Variants in PACS2 observed in about 807,000 individuals in gnomAD.
PACS2 encodes phosphofurin acidic cluster sorting protein 2, also known as PACS1-like protein.
A neutral mutation model predicts 113.0 loss-of-function variants in PACS2; 36 were observed. The observed-to-expected ratio is 0.32, with a 90% CI of 0.24 to 0.42. PACS2 has a LOEUF of 0.42. PACS2 is among the 10% of genes least tolerant of loss of function. PACS2 has a pLI of 1.00. For missense variants in PACS2, 1,015 were observed against 1,239.5 expected, an observed-to-expected ratio of 0.82 and a Z score of 2.72; for synonymous variants, 589 against 536.1, an observed-to-expected ratio of 1.10 and a Z score of -1.36.
rs2058989029 is a variant in PACS2, at chr14:105,323,845, C to T, written c.119+8808C>T. Among the ~76,000 whole-genome samples the T allele has an allele frequency of 6.6e-6, 1 of 152,244 alleles. No homozygotes were observed. Among genetic ancestry groups the T allele is most frequent in the Non-Finnish European group, 1.5e-5 (1 of 68,046 alleles). On this transcript the variant is annotated intron_variant, in intron 1 of 24. Coordinates refer to ENST00000447393, the MANE Select transcript of PACS2 (RefSeq NM_001100913.3). The surrounding 1 kb of genome is among the most constrained non-coding windows in gnomAD (Gnocchi z 4.1). ...CAGCACTCGAGCTGGGGCCAAGGGG[C>T]AGCAGGACGGTGCCCGTAGCCCTGG...
At position 105,394,921 on chromosome 14, in the gene PACS2, A is replaced by G; in HGVS notation, c.*249A>G. ...CCAGAAGGACGATGCTGAGCCATGGATCGCGGAAGGCGTCCTCTGGCCTCA... is the reference window on the plus strand; with the variant it reads ...CCAGAAGGACGATGCTGAGCCATGGGTCGCGGAAGGCGTCCTCTGGCCTCA... On this transcript the variant is annotated 3_prime_UTR_variant, in exon 25 of 25. Coordinates refer to ENST00000447393, the MANE Select transcript of PACS2 (RefSeq NM_001100913.3). 1 of 456,042 alleles carries G rather than the reference A, an allele frequency of 2.2e-6. No individual in the cohort carries two copies. The highest frequency in any genetic ancestry group is 4.0e-6 in the Non-Finnish European group (1 of 247,828). The allele number at this position is 456,042 out of a possible 1,614,324, so 28.2% of individuals were successfully genotyped here.
At chr14:105,332,135 G>C (rs2059326746) in intron 1 of PACS2, among the ~76,000 whole-genome samples, 1 of 152,232 alleles carries the variant, frequency 6.6e-6, no homozygotes, top group Non-Finnish European at 1.5e-5. Context: ...CTCTCTTCTT[G>C]TTTTGGAAGA....
chr14:105,312,530 G>C (rs1461821520), upstream of PACS2, among the ~76,000 whole-genome samples: 2 of 152,172 alleles, frequency 1.3e-5, no homozygotes, highest in Non-Finnish European at 2.9e-5. Flanking sequence ...CGCTACCAGA[G>C]AAAGCACCTG....
chr14:105,315,048 C>A lies in PACS2; in HGVS notation c.119+11C>A. The A allele has an allele frequency of 8.5e-7, 1 of 1,170,642 alleles. No individual in the cohort carries two copies. The highest frequency in any genetic ancestry group is 1.1e-6 in the Non-Finnish European group (1 of 939,484). 72.5% of individuals were successfully genotyped at this position (1,170,642 alleles called of 1,614,324 possible). A position where few individuals can be genotyped will look rare whatever the true frequency, so the allele number is the denominator to read the frequency against. On this transcript the variant is annotated intron_variant, in intron 1 of 24. Transcript: ENST00000447393. The surrounding 1 kb of genome is among the most constrained non-coding windows in gnomAD (Gnocchi z 4.4). ...CAGCTGCGTGCCCAGGTACGCGCCG[C>A]CCGCCGCGCTTTGTTCCCGCCGGGC...
intron 22 of PACS2, 120 bp from the exon 23 acceptor site, chr14:105,392,499 C>T (rs1016313707): frequency 1.8e-5 from 15 of 831,812 alleles, no homozygotes; most frequent in Non-Finnish European, 1.9e-6. Context: ...CCCGGCCCTC[C>T]TCTGCTGGCA....
In PACS2 at chr14:105,385,673, C is replaced by A. The variant is rs1595167813; in HGVS notation, c.2001-12C>A. The A allele has an allele frequency of 6.6e-7, 1 of 1,518,570 alleles. No individual in the cohort carries two copies. The highest frequency in any genetic ancestry group is 8.8e-7 in the Non-Finnish European group (1 of 1,135,636). 94.1% of individuals were successfully genotyped at this position (1,518,570 alleles called of 1,614,324 possible). On this transcript the variant is annotated splice_polypyrimidine_tract_variant and intron_variant, in intron 18 of 24. Transcript: ENST00000447393. ...ACGTGTCTGTTTTCTCTTTTGGTGG[C>A]TTTCTGAAAAGGAAAAAGCATTTTC...
chr14:105,306,250 G>A (rs2058182606), intron 1 of PACS2, among the ~76,000 whole-genome samples: 1 of 152,108 alleles, frequency 6.6e-6, no homozygotes, highest in Admixed American at 6.5e-5. Flanking sequence ...TTCCCCTCCT[G>A]GAGGCTTTCT....
intron 4 of PACS2, among the ~76,000 whole-genome samples, chr14:105,364,489 G>A (rs1161848435): frequency 7.1e-6 from 1 of 141,626 alleles, no homozygotes; most frequent in Admixed American, 7.0e-5. Context: ...GGTGGGTGGC[G>A]GCCCGGGTGC....
At chr14:105,332,435 A>C (rs2059338496) in intron 1 of PACS2, among the ~76,000 whole-genome samples, 1 of 152,156 alleles carries the variant, frequency 6.6e-6, no homozygotes, top group African/African-American at 2.4e-5. Context: ...GGCTGTGTTC[A>C]GGGTGTGCCT....
At chr14:105,367,093 T>C in intron 4 of PACS2, 120 bp from the exon 5 acceptor site, 2 of 882,916 alleles carry the variant, frequency 2.3e-6, no homozygotes, top group Admixed American at 4.8e-5. Context: ...GCTGCCCTGC[T>C]GAGGGTCCCC....
intron 1 of PACS2, among the ~76,000 whole-genome samples, chr14:105,319,097 A>G (rs2058783634): frequency 6.6e-6 from 1 of 151,234 alleles, no homozygotes; most frequent in African/African-American, 2.4e-5. Flanking sequence ...ACAGGCGTGC[A>G]CCACCACGCC....
At chr14:105,384,198 C>G (rs1473707250) in intron 16 of PACS2, 155 bp from the exon 17 acceptor site, 1 of 594,814 alleles carries the variant, frequency 1.7e-6, no homozygotes, top group African/African-American at 1.9e-5. Context: ...CAGGGAGGGG[C>G]AGTGGTGGCT....
intron 23 of PACS2, among the ~76,000 whole-genome samples, 160 bp from the exon 24 acceptor site, chr14:105,393,062 G>A (rs61984705): frequency 6.6e-6 from 1 of 152,230 alleles, no homozygotes. Context: ...TGGGTGGGCA[G>A]GAGAGCAGCT....
chr14:105,367,353 C>T lies in PACS2; in HGVS notation c.564C>T (p.Ala188=), dbSNP rs370519258. 159 of 1,613,170 alleles carry T rather than the reference C, an allele frequency of 9.9e-5. No individual in the cohort carries two copies. Among genetic ancestry groups the T allele is most frequent in the Admixed American group, 2.8e-4 (17 of 60,000 alleles). The stretch of plus-strand genomic sequence containing the variant: ...ACCACGAAGACAGCACCATGCAGGC[C>T]GGCCCCAAGGCCAAGTCCACGGGTG... ...PIDHEDSTMQ[A]GPKAKSTDNY... Residue 188 remains alanine (A), a synonymous_variant, in exon 5 of 25, where the codon GCC becomes GCT. Coordinates refer to ENST00000447393, the MANE Select transcript of PACS2 (RefSeq NM_001100913.3).
At chr14:105,304,342 A>G (rs76246963) in intron 1 of PACS2, among the ~76,000 whole-genome samples, 36,195 of 151,884 alleles carry the variant, frequency 0.24, 5,150 homozygotes, top group Middle Eastern at 0.31. Context: ...TACAAAAATT[A>G]GCAGGTGTGA....
chr14:105,360,421 G>A (rs1555406200), intron 4 of PACS2, among the ~76,000 whole-genome samples: 1 of 151,690 alleles, frequency 6.6e-6, no homozygotes, highest in East Asian at 1.9e-4. Flanking sequence ...GCTCACACCT[G>A]TAATCCCAGC....
intron 4 of PACS2, among the ~76,000 whole-genome samples, chr14:105,363,584 C>T (rs2060813367): frequency 6.6e-6 from 1 of 152,188 alleles, no homozygotes; most frequent in African/African-American, 2.4e-5. Context: ...GAGGCTTTGG[C>T]TTAAAGGAGT....
Position 105,355,079 on chromosome 14 carries a change from A to G in PACS2, c.325A>G (p.Asn109Asp), listed in dbSNP as rs1326995053. ...TCCTCACTTCTTGAAGAGGGAAGGC[A>G]ACAAGCTTCAGATCATGCTGCAGCG... is the stretch of plus-strand genomic sequence containing the variant. ...QYPHFLKREG[N>D]KLQIMLQRRK... The change falls in exon 4 of 25, where the codon AAC (asparagine) becomes GAC (aspartate). Residue 109 changes from asparagine (N) to aspartate (D), a missense_variant. By Grantham distance (23) the Asn-to-Asp change is conservative. Coordinates refer to ENST00000447393, the MANE Select transcript of PACS2 (RefSeq NM_001100913.3). This position sits in a 1 kb window ranked among gnomAD's most constrained non-coding sequence, Gnocchi z 4.1. 3.1e-6 allele frequency: 5 copies of G among 1,613,506 alleles called. No individual in the cohort carries two copies. The highest frequency in any genetic ancestry group is 1.3e-5 in the African/African-American group (1 of 74,948).
intron 1 of PACS2, among the ~76,000 whole-genome samples, chr14:105,338,259 A>G (rs1418071085): frequency 1.3e-5 from 2 of 152,180 alleles, no homozygotes; most frequent in Admixed American, 6.5e-5. Context: ...CTGACATGGA[A>G]ATGCCATGCA....
Sources: allele counts gnomAD v4.1 joint callset (sites outside exome capture counted in the v4.1 genomes callset), GRCh38; gene constraint gnomAD v4.1.1; non-coding constraint Gnocchi (gnomAD v3.1); transcripts MANE v1.5; gene names NCBI Gene and HGNC (gene_info 2026-07-23, HGNC 2026-07-21).